The following TRIM32 variants were observed in gnomAD, a reference collection of about 807,000 sequenced individuals.
The protein encoded by TRIM32 is E3 ubiquitin-protein ligase TRIM32.
TRIM32 carries 19 observed loss-of-function variants against 36.0 expected under a neutral mutation model. The ratio of observed to expected loss-of-function variants is 0.53; its 90% CI spans 0.37 to 0.77. TRIM32 has a LOEUF of 0.77. Among genes scored for constraint, TRIM32 ranks in the 30% least tolerant of loss-of-function variants. The probability of loss-of-function intolerance (pLI) is 0.00; values close to 1 mark genes in which losing one functional copy is unlikely to be tolerated. For missense variants in TRIM32, 747 were observed against 845.2 expected (o/e 0.88, Z 1.44); for synonymous variants, 309 against 318.5 (o/e 0.97, Z 0.32).
At chr9:116,691,907 A>T (rs150864995) in intron 1 of TRIM32, among the ~76,000 whole-genome samples, 24 of 152,344 alleles carry the variant, frequency 1.6e-4, no homozygotes, top group African/African-American at 4.6e-4. Context: ...AACCCAGTCA[A>T]ACCAGGGGAG....
Position 116,698,360 on chromosome 9 carries a change from C to T in TRIM32, c.618C>T (p.Phe206=). Residue 206 remains phenylalanine, a synonymous_variant, in exon 2 of 2, where the codon TTC becomes TTT. Coordinates refer to ENST00000450136, the MANE Select transcript of TRIM32 (RefSeq NM_012210.4). The surrounding 1 kb of genome is among the most constrained non-coding windows in gnomAD (Gnocchi z 4.4). ...QDELARSRKF[F]TGSLAEVEKS... ...AGCTGGCTCGCTCTCGGAAGTTCTT[C>T]ACAGGCTCTTTGGCTGAAGTTGAGA... 1 of 1,614,160 alleles carries T rather than the reference C, an allele frequency of 6.2e-7. No individual in the cohort carries two copies. The highest frequency in any genetic ancestry group is 8.5e-7 in the Non-Finnish European group (1 of 1,180,040).
At chr9:116,694,586 G>A (rs537393304) in intron 1 of TRIM32, among the ~76,000 whole-genome samples, 5 of 148,890 alleles carry the variant, frequency 3.4e-5, no homozygotes, top group East Asian at 4.0e-4. Flanking sequence ...TCAGCCTCCC[G>A]AGTAGCTGGG....
At chr9:116,694,733 A>C (rs1029296082) in intron 1 of TRIM32, among the ~76,000 whole-genome samples, 10 of 150,970 alleles carry the variant, frequency 6.6e-5, no homozygotes, top group East Asian at 5.9e-4. Flanking sequence ...AGCCTCCCAA[A>C]GTGCTGGGAT....
At chr9:116,689,869 A>G (rs1860476709) in intron 1 of TRIM32, among the ~76,000 whole-genome samples, 1 of 152,110 alleles carries the variant, frequency 6.6e-6, no homozygotes, top group Non-Finnish European at 1.5e-5. Context: ...TATGGAGGCC[A>G]TTGGCTTGAA....
chr9:116,694,955 A>G (rs893662304), intron 1 of TRIM32, among the ~76,000 whole-genome samples: 1 of 152,138 alleles, frequency 6.6e-6, no homozygotes, highest in Admixed American at 6.5e-5. Context: ...GTGTGAGAGT[A>G]GGTCACTCAG....
chr9:116,699,113 G>A lies in TRIM32; in HGVS notation c.1371G>A (p.Leu457=). Residue 457 remains leucine, a synonymous_variant, in exon 2 of 2, where the codon TTG becomes TTA. Transcript: ENST00000450136. The surrounding 1 kb of genome is among the most constrained non-coding windows in gnomAD (Gnocchi z 4.2). ...SYDNSLKVYT[L]DGHCVACHRS... is the part of the protein sequence containing the mutation. ...ATAACTCCCTCAAGGTATATACCTT[G>A]GATGGCCACTGCGTGGCCTGTCACA... is the stretch of plus-strand genomic sequence containing the variant. 6.2e-7 allele frequency: 1 copy of A among 1,614,052 alleles called. No individual in the cohort carries two copies.
Position 116,698,617 on chromosome 9 carries a change from G to A in TRIM32, c.875G>A (p.Gly292Glu), listed in dbSNP as rs1554732992. Residue 292 changes from glycine (G) to glutamate (E), a missense_variant, in exon 2 of 2, where the codon GGA (glycine) becomes GAA (glutamate). Physicochemically the swap from Gly to Glu is moderately conservative, Grantham distance 98. Coordinates refer to ENST00000450136, the MANE Select transcript of TRIM32 (RefSeq NM_012210.4). This position sits in a 1 kb window ranked among gnomAD's most constrained non-coding sequence, Gnocchi z 4.4. ...KVGHVGPLQIGQAVKKPRTVN... is the reference protein window; with the variant it reads ...KVGHVGPLQIEQAVKKPRTVN... ...GGTCATGTTGGCCCCCTCCAAATTG[G>A]ACAAGCTGTTAAGAAGCCCCGGACA... is the stretch of plus-strand genomic sequence containing the variant. 1 of 1,614,106 alleles carries A rather than the reference G, an allele frequency of 6.2e-7. No individual in the cohort carries two copies. The highest frequency in any genetic ancestry group is 8.5e-7 in the Non-Finnish European group (1 of 1,180,022).
chr9:116,700,079 C>T lies in TRIM32; in HGVS notation c.*375C>T. On this transcript the variant is annotated 3_prime_UTR_variant, in exon 2 of 2. Transcript: ENST00000450136. ...CCCATTTGGCTTTGATGCCCTTGAT[C>T]CATTGTTTCCTTCCTACTATAATGT... The T allele has an allele frequency of 3.2e-6, 1 of 312,626 alleles. No individual in the cohort carries two copies. Among genetic ancestry groups the T allele is most frequent in the Non-Finnish European group, 6.4e-6 (1 of 157,422 alleles). The allele number at this position is 312,626 out of a possible 1,614,324, so 19.4% of individuals were successfully genotyped here.
Position 116,699,672 on chromosome 9 carries a change from A to T in TRIM32, c.1930A>T (p.Ser644Cys), listed in dbSNP as rs1462453134. The T allele has an allele frequency of 2.5e-6, 4 of 1,614,048 alleles. No homozygotes were observed. Among genetic ancestry groups the T allele is most frequent in the Non-Finnish European group, 3.4e-6 (4 of 1,180,044 alleles). ...DCWDHCIKIY[S>C]YHLRRYSTP The stretch of plus-strand genomic sequence containing the variant: ...TTGGGATCATTGCATCAAGATCTAC[A>T]GCTACCATCTGAGAAGATATTCCAC... The change falls in exon 2 of 2, where the codon AGC (serine) becomes TGC (cysteine). Residue 644 changes from serine to cysteine, a missense_variant. Coordinates refer to ENST00000450136, the MANE Select transcript of TRIM32 (RefSeq NM_012210.4). This position sits in a 1 kb window ranked among gnomAD's most constrained non-coding sequence, Gnocchi z 4.2.
intron 1 of TRIM32, 51 bp from the exon 2 acceptor site, chr9:116,697,611 T>G: frequency 1.7e-6 from 2 of 1,174,962 alleles, no homozygotes; most frequent in South Asian, 2.7e-5. Context: ...CTTGAGTGAA[T>G]TTATTTATAT....
rs1025025394 is a variant in TRIM32, at chr9:116,700,393, C to T, written c.*689C>T. ...CCTAGTTGGTTGGTATTGATGACTT[C>T]AGCCTGGAAATTGCTTGCCTTTTAA... is the stretch of plus-strand genomic sequence containing the variant. On this transcript the variant is annotated 3_prime_UTR_variant, in exon 2 of 2. Coordinates refer to ENST00000450136, the MANE Select transcript of TRIM32 (RefSeq NM_012210.4). 1 of 167,186 alleles carries T rather than the reference C, an allele frequency of 6.0e-6. No individual in the cohort carries two copies. The highest frequency in any genetic ancestry group is 2.4e-5 in the African/African-American group (1 of 41,448). The allele number at this position is 167,186 out of a possible 1,614,324, so 10.4% of individuals were successfully genotyped here. A position where few individuals can be genotyped will look rare whatever the true frequency, so the allele number is the denominator to read the frequency against.
intron 1 of TRIM32, among the ~76,000 whole-genome samples, chr9:116,694,952 A>T (rs1860769462): frequency 1.3e-5 from 2 of 152,134 alleles, no homozygotes; most frequent in Non-Finnish European, 2.9e-5. Context: ...GCTGTGTGAG[A>T]GTAGGTCACT....
At chr9:116,689,102 G>A (rs888329895) in intron 1 of TRIM32, among the ~76,000 whole-genome samples, 2 of 152,040 alleles carry the variant, frequency 1.3e-5, no homozygotes, top group Non-Finnish European at 2.9e-5. Context: ...TGTGGGATAC[G>A]CCCTTCCCCC....
At position 116,697,991 on chromosome 9, in the gene TRIM32, A is replaced by C. The variant is rs1860957711; in HGVS notation, c.249A>C (p.Leu83=). ...LTQLTDNLTV[L]KIIDTAGLSE... The stretch of plus-strand genomic sequence containing the variant: ...AGCTGACAGACAATCTGACAGTGCT[A>C]AAGATCATTGATACAGCTGGGCTCA... Residue 83 remains leucine, a synonymous_variant, in exon 2 of 2, where the codon CTA becomes CTC. Transcript: ENST00000450136. The C allele has an allele frequency of 6.2e-7, 1 of 1,614,176 alleles. No homozygotes were observed. Among genetic ancestry groups the C allele is most frequent in the Non-Finnish European group, 8.5e-7 (1 of 1,180,044 alleles).
In TRIM32 at chr9:116,700,089, C is replaced by T. The variant is rs868637838; in HGVS notation, c.*385C>T. 26 of 304,086 alleles carry T rather than the reference C, an allele frequency of 8.6e-5. No homozygotes were observed. Among genetic ancestry groups the T allele is most frequent in the Middle Eastern group, 1.2e-3 (1 of 844 alleles). The allele number at this position is 304,086 out of a possible 1,614,324, so 18.8% of individuals were successfully genotyped here. ...TTTGATGCCCTTGATCCATTGTTTC[C>T]TTCCTACTATAATGTGCTTCATCTG... On this transcript the variant is annotated 3_prime_UTR_variant, in exon 2 of 2. Coordinates refer to ENST00000450136, the MANE Select transcript of TRIM32 (RefSeq NM_012210.4).
chr9:116,687,349 G>A lies in TRIM32; in HGVS notation c.-114G>A, dbSNP rs1359235368. The A allele has an allele frequency of 3.6e-6, 3 of 823,832 alleles. No homozygotes were observed. Among genetic ancestry groups the A allele is most frequent in the Non-Finnish European group, 4.4e-6 (3 of 682,948 alleles). The allele number at this position is 823,832 out of a possible 1,614,324, so 51.0% of individuals were successfully genotyped here. On this transcript the variant is annotated 5_prime_UTR_variant, in exon 1 of 2. Coordinates refer to ENST00000450136, the MANE Select transcript of TRIM32 (RefSeq NM_012210.4). The stretch of plus-strand genomic sequence containing the variant: ...GAGGGAGGCAGGCGGGTGGGCTGCC[G>A]GCGGTGGACTCGTCGGAGCCGCGGG...
intron 1 of TRIM32, among the ~76,000 whole-genome samples, chr9:116,695,619 G>A (rs181673266): frequency 3.3e-5 from 5 of 152,292 alleles, no homozygotes; most frequent in East Asian, 1.9e-4. Flanking sequence ...CTTCTCCTGG[G>A]TGGTTGACCA....
chr9:116,699,087 G>A lies in TRIM32; in HGVS notation c.1345G>A (p.Asp449Asn), dbSNP rs1388605842. ...QGLIGVTDSY[D>N]NSLKVYTLDG... ...GCTGATTGGTGTGACTGACAGCTAT[G>A]ATAACTCCCTCAAGGTATATACCTT... is the stretch of plus-strand genomic sequence containing the variant. The change falls in exon 2 of 2, where the codon GAT becomes AAT. Residue 449 changes from aspartate to asparagine, a missense_variant. Coordinates refer to ENST00000450136, the MANE Select transcript of TRIM32 (RefSeq NM_012210.4). This position sits in a 1 kb window ranked among gnomAD's most constrained non-coding sequence, Gnocchi z 4.2. The A allele has an allele frequency of 1.2e-6, 2 of 1,614,064 alleles. No individual in the cohort carries two copies. Among genetic ancestry groups the A allele is most frequent in the Admixed American group, 3.3e-5 (2 of 60,010 alleles).
intron 1 of TRIM32, among the ~76,000 whole-genome samples, chr9:116,692,884 A>T (rs1860643491): frequency 6.6e-6 from 1 of 152,122 alleles, no homozygotes; most frequent in Admixed American, 6.5e-5. Flanking sequence ...CTAGCATTTC[A>T]TACTTAGTCT....
Sources: gnomAD v4.1 joint callset for allele counts (sites outside exome capture counted in the v4.1 genomes callset) on GRCh38, gnomAD v4.1.1 for gene constraint, Gnocchi (gnomAD v3.1) non-coding constraint, MANE v1.5 for transcripts, NCBI Gene and HGNC (gene_info 2026-07-23, HGNC 2026-07-21) for gene names.